MBNL2: variants seen among roughly 807,000 people sequenced by gnomAD.
MBNL2 encodes the protein muscleblind like splicing regulator 2.
MBNL2 carries 17 observed loss-of-function variants against 41.9 expected under a neutral mutation model. That is an observed-to-expected ratio of 0.41 (90% CI 0.28 to 0.61). The LOEUF is 0.61. Among genes scored for constraint, MBNL2 ranks in the 20% least tolerant of loss-of-function variants. MBNL2 has a pLI of 0.35. For synonymous variants in MBNL2, 195 were observed against 182.9 expected (o/e 1.07, Z -0.53); for missense variants, 336 against 505.6 (o/e 0.66, Z 3.22).
chr13:97,172,223 A>C, the MBNL2 span, among the ~76,000 whole-genome samples: 22 of 152,272 alleles, frequency 1.4e-4, 2 homozygotes, highest in South Asian at 4.2e-3. Context: ...CTGTTCACTG[A>C]GTCCTGTGTG....
At chr13:97,207,822 C>A in the MBNL2 span, among the ~76,000 whole-genome samples, 1 of 152,196 alleles carries the variant, frequency 6.6e-6, no homozygotes, top group African/African-American at 2.4e-5. Flanking sequence ...CACCTATGAG[C>A]CTGTAAAATC....
chr13:97,197,979 A>G, the MBNL2 span, among the ~76,000 whole-genome samples: 3 of 152,310 alleles, frequency 2.0e-5, no homozygotes, highest in East Asian at 3.9e-4. Flanking sequence ...TCTCAGACTC[A>G]TATTGAGTTG....
At chr13:97,372,463 A>G (rs900548111) in intron 8 of MBNL2, among the ~76,000 whole-genome samples, 14 of 152,152 alleles carry the variant, frequency 9.2e-5, no homozygotes, top group Non-Finnish European at 7.3e-5. Context: ...ATTAAACTTA[A>G]TGTACTTAAT....
intron 2 of MBNL2, among the ~76,000 whole-genome samples, chr13:97,280,112 C>G (rs1307614902): frequency 6.6e-6 from 1 of 152,184 alleles, no homozygotes; most frequent in African/African-American, 2.4e-5. Flanking sequence ...TATGAGCAAT[C>G]ATTTCCCTTG....
intron 3 of MBNL2, among the ~76,000 whole-genome samples, chr13:97,335,253 T>G (rs1566424393): frequency 2.6e-5 from 4 of 152,198 alleles, no homozygotes; most frequent in Non-Finnish European, 5.9e-5. Flanking sequence ...AGGTTTCATT[T>G]ACATTTGTGA....
In MBNL2 at chr13:97,318,497, CA is replaced by C. The variant is rs2059240727; in HGVS notation, c.175-15778del. Among the ~76,000 whole-genome samples the C allele has an allele frequency of 2.0e-5, 3 of 152,278 alleles. No homozygotes were observed. In the South Asian group the frequency reaches 6.2e-4, roughly 32 times the overall value. On this transcript the variant is annotated intron_variant, in intron 2 of 8. Transcript: ENST00000679496. The stretch of plus-strand genomic sequence containing the variant: ...GCATGTGAAACAGCACGGTGTCTAG[CA>C]TGCATCTAATGAGTAAAAATAATAA...
chr13:97,200,700 T>C, the MBNL2 span, among the ~76,000 whole-genome samples: 1 of 152,192 alleles, frequency 6.6e-6, no homozygotes, highest in Admixed American at 6.5e-5. Flanking sequence ...TTATTTCATA[T>C]TATAGCACCT....
At chr13:97,368,148 G>A (rs1267661710) in intron 8 of MBNL2, among the ~76,000 whole-genome samples, 1 of 152,170 alleles carries the variant, frequency 6.6e-6, no homozygotes, top group Non-Finnish European at 1.5e-5. Context: ...AGTGCCTCAT[G>A]CTTGTAATCC....
At chr13:97,387,802 T>C (rs761750904) in intron 8 of MBNL2, among the ~76,000 whole-genome samples, 1 of 152,220 alleles carries the variant, frequency 6.6e-6, no homozygotes, top group Non-Finnish European at 1.5e-5. Flanking sequence ...TGTAAGACTC[T>C]AGCTTGTAAA....
intron 3 of MBNL2, among the ~76,000 whole-genome samples, chr13:97,336,076 C>G (rs2060856030): frequency 6.6e-6 from 1 of 152,148 alleles, no homozygotes; most frequent in Non-Finnish European, 1.5e-5. Flanking sequence ...CTGGTACTCA[C>G]TGGTGGCCGT....
intron 2 of MBNL2, among the ~76,000 whole-genome samples, chr13:97,304,007 T>C (rs963908631): frequency 9.2e-5 from 14 of 152,364 alleles, no homozygotes; most frequent in Admixed American, 9.1e-4. Flanking sequence ...GACACTGTTG[T>C]GGCCTGACAA....
chr13:97,384,989 A>G (rs575722151), intron 8 of MBNL2, among the ~76,000 whole-genome samples: 1 of 152,150 alleles, frequency 6.6e-6, no homozygotes, highest in South Asian at 2.1e-4. Flanking sequence ...TTTCTCTTAG[A>G]TATTTCTGAG....
chr13:97,189,986 G>A, the MBNL2 span, among the ~76,000 whole-genome samples: 5 of 152,216 alleles, frequency 3.3e-5, no homozygotes, highest in Admixed American at 2.0e-4. Flanking sequence ...AGCCTGATAT[G>A]TTTTTTATCA....
chr13:97,345,971 AATAG>A (rs934757475), intron 4 of MBNL2, among the ~76,000 whole-genome samples: 11 of 152,284 alleles, frequency 7.2e-5, no homozygotes, highest in East Asian at 1.9e-4. Flanking sequence ...TGACAGATTA[AATAG>A]ATAGATTATA....
At chr13:97,348,838 CACAA>C (rs1170030172) in intron 5 of MBNL2, among the ~76,000 whole-genome samples, 1 of 152,212 alleles carries the variant, frequency 6.6e-6, no homozygotes, top group Non-Finnish European at 1.5e-5. Flanking sequence ...GTAGCTGTCA[CACAA>C]ACAAGTTCAC....
the MBNL2 span, among the ~76,000 whole-genome samples, chr13:97,173,041 G>A: frequency 6.6e-6 from 1 of 152,186 alleles, no homozygotes; most frequent in Non-Finnish European, 1.5e-5. Flanking sequence ...AGGAGCAGTG[G>A]GAAATGAGTA....
At chr13:97,357,065 T>G (rs1047908978) in intron 6 of MBNL2, among the ~76,000 whole-genome samples, 1 of 152,206 alleles carries the variant, frequency 6.6e-6, no homozygotes, top group Non-Finnish European at 1.5e-5. Context: ...TGAAGCAAAT[T>G]TAAATTATTT....
intron 1 of MBNL2, among the ~76,000 whole-genome samples, chr13:97,242,961 C>A (rs1014224913): frequency 1.3e-5 from 2 of 152,180 alleles, no homozygotes; most frequent in East Asian, 3.9e-4. Flanking sequence ...GGCAGTCCCT[C>A]CCCTCCACTG....
chr13:97,280,331 G>T (rs1337808221), intron 2 of MBNL2, among the ~76,000 whole-genome samples: 2 of 152,120 alleles, frequency 1.3e-5, no homozygotes, highest in African/African-American at 2.4e-5. Flanking sequence ...AAAAGTGTCA[G>T]TATTTACCAC....
Sources: allele counts gnomAD v4.1 joint callset (sites outside exome capture counted in the v4.1 genomes callset), GRCh38; gene constraint gnomAD v4.1.1; transcripts MANE v1.5; gene names NCBI Gene and HGNC (gene_info 2026-07-23, HGNC 2026-07-21).